Variants in ZNF697 observed in about 807,000 individuals in gnomAD.
ZNF697 encodes the protein zinc finger protein 697.
Under a neutral mutation model 32.4 loss-of-function variants are expected in ZNF697, and 23 were observed. That is an observed-to-expected ratio of 0.71 (90% CI 0.51 to 1.01). The LOEUF (loss-of-function observed/expected upper bound fraction) is 1.01. Ranked by LOEUF, ZNF697 falls within the 50% of genes least tolerant of loss-of-function variation. The probability of loss-of-function intolerance (pLI) is 0.00; values close to 1 mark genes in which losing one functional copy is unlikely to be tolerated. For missense variants in ZNF697, 930 were observed against 794.0 expected, an observed-to-expected ratio of 1.17 and a Z score of -2.06; for synonymous variants, 418 against 337.2, an observed-to-expected ratio of 1.24 and a Z score of -2.62.
Position 119,622,260 on chromosome 1 carries a change from G to GTCGCCGTATCAT in ZNF697, c.*444_*445insATGATACGGCGA. On this transcript the variant is annotated 3_prime_UTR_variant, in exon 3 of 3. Coordinates refer to ENST00000421812, the MANE Select transcript of ZNF697 (RefSeq NM_001080470.2). ...GTGGAGATCGGGCAAACTCTTGGTGGGACCAAGATAGAATCACTTATACTT... is the reference window on the plus strand; with the variant it reads ...GTGGAGATCGGGCAAACTCTTGGTGGTCGCCGTATCATGACCAAGATAGAATCACTTATACTT... 6.4e-6 allele frequency: 1 copy of GTCGCCGTATCAT among 155,232 alleles called. No homozygotes were observed. The highest frequency in any genetic ancestry group is 1.4e-5 in the Non-Finnish European group (1 of 70,658). The allele number at this position is 155,232 out of a possible 1,614,324, so 9.6% of individuals were successfully genotyped here.
chr1:119,626,064 G>C lies in ZNF697; in HGVS notation c.37C>G (p.Gln13Glu). ...CCCATCCCTTTGTCTTCTGAGTCCT[G>C]GTGTGCACAGACACCCTGATTATCT... ...QEDNQGVCAHQDSEDKGMGSD... is the reference protein window; with the variant it reads ...QEDNQGVCAHEDSEDKGMGSD... The change falls in exon 2 of 3, where the codon CAG (glutamine) becomes GAG (glutamate). Residue 13 changes from glutamine to glutamate, a missense_variant. By Grantham distance (29) the Gln-to-Glu change is conservative. Transcript: ENST00000421812. 1 of 1,613,760 alleles carries C rather than the reference G, an allele frequency of 6.2e-7. No homozygotes were observed. The highest frequency in any genetic ancestry group is 8.5e-7 in the Non-Finnish European group (1 of 1,179,766).
chr1:119,622,352 C>T lies in ZNF697; in HGVS notation c.*353G>A. 1 of 228,480 alleles carries T rather than the reference C, an allele frequency of 4.4e-6. No individual in the cohort carries two copies. Among genetic ancestry groups the T allele is most frequent in the Non-Finnish European group, 8.5e-6 (1 of 118,098 alleles). 14.2% of individuals were successfully genotyped at this position (228,480 alleles called of 1,614,324 possible). A position where few individuals can be genotyped will look rare whatever the true frequency, so the allele number is the denominator to read the frequency against. ...CGCAACCTTCTACAGGCCATCGCGG[C>T]CTACCCTAGTCTATTGCCCGCCATC... On this transcript the variant is annotated 3_prime_UTR_variant, in exon 3 of 3. Coordinates refer to ENST00000421812, the MANE Select transcript of ZNF697 (RefSeq NM_001080470.2).
At chr1:119,646,837 A>G (rs1425852041) in intron 1 of ZNF697, among the ~76,000 whole-genome samples, 1 of 152,124 alleles carries the variant, frequency 6.6e-6, no homozygotes, top group African/African-American at 2.4e-5. Flanking sequence ...ACTGTATTCA[A>G]AGTTGCCCAC....
Position 119,619,390 on chromosome 1 carries a change from C to T in ZNF697, c.*3315G>A, listed in dbSNP as rs1348209980. The stretch of plus-strand genomic sequence containing the variant: ...AGCTTCCATAGATAGAGCTGAGTGA[C>T]ATTTAATGTGTGGCAAAGAAGAATG... On this transcript the variant is annotated 3_prime_UTR_variant, in exon 3 of 3. Coordinates refer to ENST00000421812, the MANE Select transcript of ZNF697 (RefSeq NM_001080470.2). 6.6e-6 allele frequency: 1 copy of T among 152,186 alleles called. No homozygotes were observed. Among genetic ancestry groups the T allele is most frequent in the Non-Finnish European group, 1.5e-5 (1 of 68,032 alleles). The allele number at this position is 152,186 out of a possible 1,614,324, so 9.4% of individuals were successfully genotyped here.
In ZNF697 at chr1:119,623,517, G is replaced by T; in HGVS notation, c.826C>A (p.Leu276Met). 6.4e-7 allele frequency: 1 copy of T among 1,566,556 alleles called. No homozygotes were observed. The highest frequency in any genetic ancestry group is 1.8e-5 in the Admixed American group (1 of 54,938). Residue 276 changes from leucine (L) to methionine (M), a missense_variant, in exon 3 of 3, where the codon CTG becomes ATG. Leu to Met is a conservative substitution (Grantham distance 15). Coordinates refer to ENST00000421812, the MANE Select transcript of ZNF697 (RefSeq NM_001080470.2). ...GTGTGCAGGCGCAGGTGGTTGGTCA[G>T]GTAGGTGTTGCGGCTGAAGCCCTTG... ...CGKGFSRNTY[L>M]TNHLRLHTGE...
In ZNF697 at chr1:119,623,364, T is replaced by A; in HGVS notation, c.979A>T (p.Ser327Cys). 6.8e-7 allele frequency: 1 copy of A among 1,460,144 alleles called. No homozygotes were observed. Among genetic ancestry groups the A allele is most frequent in the Non-Finnish European group, 9.0e-7 (1 of 1,108,766 alleles). The allele number at this position is 1,460,144 out of a possible 1,614,324, so 90.4% of individuals were successfully genotyped here. Residue 327 changes from serine (S) to cysteine (C), a missense_variant, in exon 3 of 3, where the codon AGC becomes TGC. Ser to Cys is a moderately radical substitution (Grantham distance 112, BLOSUM62 -1). Coordinates refer to ENST00000421812, the MANE Select transcript of ZNF697 (RefSeq NM_001080470.2). The stretch of plus-strand genomic sequence containing the variant: ...TGGCTCAACAGATGCGAGCTGAGGC[T>A]GAAGGCCTCGCCGCACTCGGGGCAC... ...YPCPECGEAFSLSSHLLSHRR... is the reference protein window; with the variant it reads ...YPCPECGEAFCLSSHLLSHRR...
At position 119,622,473 on chromosome 1, in the gene ZNF697, C is replaced by A; in HGVS notation, c.*232G>T. 1 of 756,218 alleles carries A rather than the reference C, an allele frequency of 1.3e-6. No individual in the cohort carries two copies. Among genetic ancestry groups the A allele is most frequent in the Non-Finnish European group, 2.0e-6 (1 of 510,248 alleles). The allele number at this position is 756,218 out of a possible 1,614,324, so 46.8% of individuals were successfully genotyped here. ...AGCGTGTATTTAAGGAAGTCATCAC[C>A]CCAAGCGCATCTCCTGAACAATTCT... On this transcript the variant is annotated 3_prime_UTR_variant, in exon 3 of 3. Coordinates refer to ENST00000421812, the MANE Select transcript of ZNF697 (RefSeq NM_001080470.2).
intron 2 of ZNF697, 88 bp from the exon 3 acceptor site, chr1:119,624,204 A>G (rs1013480374): frequency 1.4e-4 from 202 of 1,427,404 alleles, no homozygotes; most frequent in Admixed American, 9.0e-4. Context: ...TAAAACTGTG[A>G]TCCCCTCCCT....
At chr1:119,628,441 GGA>G (rs1405103364) in intron 1 of ZNF697, among the ~76,000 whole-genome samples, 1 of 152,168 alleles carries the variant, frequency 6.6e-6, no homozygotes, top group Admixed American at 6.5e-5. Flanking sequence ...TTGAAGGCAG[GGA>G]GAGGGGAGAA....
rs1649259414 is a variant in ZNF697, at chr1:119,647,918, A to T, written c.-265T>A. 6.6e-6 allele frequency: 1 copy of T among 152,294 alleles called. No homozygotes were observed. Among genetic ancestry groups the T allele is most frequent in the Non-Finnish European group, 1.5e-5 (1 of 68,272 alleles). 9.4% of individuals were successfully genotyped at this position (152,294 alleles called of 1,614,324 possible). A position where few individuals can be genotyped will look rare whatever the true frequency, so the allele number is the denominator to read the frequency against. On this transcript the variant is annotated 5_prime_UTR_variant, in exon 1 of 3. Transcript: ENST00000421812. ...AGCCCGGGGCCCTGCGCCCCAGGGG[A>T]GCGGACAACGGTCCACTTTACGAGG...
At chr1:119,638,946 T>C (rs991850798) in intron 1 of ZNF697, among the ~76,000 whole-genome samples, 1 of 152,198 alleles carries the variant, frequency 6.6e-6, no homozygotes, top group Non-Finnish European at 1.5e-5. Flanking sequence ...GGACAGCTAT[T>C]TCACCTCTTC....
In ZNF697 at chr1:119,622,770, C is replaced by T. The variant is rs749226581; in HGVS notation, c.1573G>A (p.Gly525Ser). The change falls in exon 3 of 3, where the codon GGC becomes AGC. Residue 525 changes from glycine (G) to serine (S), a missense_variant. Gly to Ser is a moderately conservative substitution (Grantham distance 56, BLOSUM62 0). Transcript: ENST00000421812. ...TTATAGCGGAAGCCTTTGCCGCAGC[C>T]CGCACACTTGTGCGGCTTGTTGCCC... Reference protein sequence around the residue: ...HTGNKPHKCAGCGKGFRYKTH... With the variant: ...HTGNKPHKCASCGKGFRYKTH... The T allele has an allele frequency of 1.9e-6, 3 of 1,588,770 alleles. No individual in the cohort carries two copies. Among genetic ancestry groups the T allele is most frequent in the Non-Finnish European group, 2.6e-6 (3 of 1,167,600 alleles).
chr1:119,626,291 A>C (rs1648585597), intron 1 of ZNF697, among the ~76,000 whole-genome samples, 154 bp from the exon 2 acceptor site: 1 of 152,202 alleles, frequency 6.6e-6, no homozygotes, highest in Admixed American at 6.5e-5. Flanking sequence ...TAAACAAGTG[A>C]GTGCAAAGGA....
chr1:119,624,140 G>C (rs1648498026), intron 2 of ZNF697, 24 bp from the exon 3 acceptor site: 2 of 1,534,570 alleles, frequency 1.3e-6, no homozygotes, highest in South Asian at 1.3e-5. Context: ...AGGTGGCAGT[G>C]GGGGATTACT....
At chr1:119,625,534 C>T (rs1287520023) in intron 2 of ZNF697, among the ~76,000 whole-genome samples, 1 of 152,212 alleles carries the variant, frequency 6.6e-6, no homozygotes, top group African/African-American at 2.4e-5. Flanking sequence ...TATGCAGCAA[C>T]TCATTTAACT....
intron 1 of ZNF697, among the ~76,000 whole-genome samples, chr1:119,640,724 G>A (rs1009710313): frequency 6.6e-5 from 10 of 152,340 alleles, no homozygotes; most frequent in South Asian, 6.2e-4. Context: ...AGCAGTCACA[G>A]AAATTAAATG....
rs147258049 is a variant in ZNF697, at chr1:119,619,773, C to G, written c.*2932G>C. 3.2e-4 allele frequency: 49 copies of G among 152,674 alleles called. No individual in the cohort carries two copies. The highest frequency in any genetic ancestry group is 1.2e-3 in the African/African-American group (48 of 41,534). 9.5% of individuals were successfully genotyped at this position (152,674 alleles called of 1,614,324 possible). On this transcript the variant is annotated 3_prime_UTR_variant, in exon 3 of 3. Transcript: ENST00000421812. ...GGGTTAACTTCTCATTTTCTCCTTC[C>G]AACTCGGAGCTCAAGATTTAATCAA...
chr1:119,639,715 CAAAA>C (rs779242670), intron 1 of ZNF697, among the ~76,000 whole-genome samples: 1 of 110,556 alleles, frequency 9.0e-6, no homozygotes. Flanking sequence ...CCTGTCTCTC[CAAAA>C]AAAAAAAAAA....
At position 119,623,057 on chromosome 1, in the gene ZNF697, C is replaced by A; in HGVS notation, c.1286G>T (p.Arg429Leu). 5 of 1,586,474 alleles carry A rather than the reference C, an allele frequency of 3.2e-6. No individual in the cohort carries two copies. Among genetic ancestry groups the A allele is most frequent in the Non-Finnish European group, 4.3e-6 (5 of 1,166,686 alleles). Residue 429 changes from arginine to leucine, a missense_variant, in exon 3 of 3, where the codon CGC becomes CTC. Physicochemically the swap from Arg to Leu is moderately radical, Grantham distance 102 (BLOSUM62 -2). Coordinates refer to ENST00000421812, the MANE Select transcript of ZNF697 (RefSeq NM_001080470.2). ...SVSSHLFTHK[R>L]THSGERPYVC... ...GTAGGGCCGCTCACCCGAGTGCGTG[C>A]GCTTGTGCGTGAAGAGGTGCGAGCT...
Sources: allele counts gnomAD v4.1 joint callset (sites outside exome capture counted in the v4.1 genomes callset), GRCh38; gene constraint gnomAD v4.1.1; transcripts MANE v1.5; gene names NCBI Gene and HGNC (gene_info 2026-07-23, HGNC 2026-07-21).